PLEKHA7: variants seen among roughly 807,000 people sequenced by gnomAD.
The protein encoded by PLEKHA7 is pleckstrin homology domain-containing family A member 7.
In PLEKHA7, 104 loss-of-function variants were observed where a neutral mutation model predicts 170.0. The observed-to-expected ratio is 0.61, with a 90% CI of 0.52 to 0.72. The LOEUF (loss-of-function observed/expected upper bound fraction) is 0.72. PLEKHA7 is among the 30% of genes least tolerant of loss of function. The pLI, the probability that PLEKHA7 is intolerant of heterozygous loss-of-function variation, is 0.00. For missense variants in PLEKHA7, 1,615 were observed against 1,671.7 expected (o/e 0.97, Z 0.59); for synonymous variants, 648 against 660.8 (o/e 0.98, Z 0.30).
chr11:16,853,182 C>CA (rs893452098), intron 6 of PLEKHA7, among the ~76,000 whole-genome samples: 2 of 151,436 alleles, frequency 1.3e-5, no homozygotes, highest in Non-Finnish European at 1.5e-5. Flanking sequence ...CCCAGCTGTA[C>CA]AAAAAAAAAT....
chr11:16,983,452 C>A (rs752627378), intron 3 of PLEKHA7, among the ~76,000 whole-genome samples: 15 of 152,060 alleles, frequency 9.9e-5, no homozygotes, highest in Non-Finnish European at 2.1e-4. Context: ...GGAGGGATGC[C>A]CACCATGAAG....
At chr11:16,829,146 G>T (rs1000752995) in intron 9 of PLEKHA7, among the ~76,000 whole-genome samples, 2 of 150,954 alleles carry the variant, frequency 1.3e-5, no homozygotes, top group African/African-American at 4.9e-5. Flanking sequence ...TGGGACTACA[G>T]GTGCATGCAT....
At chr11:16,790,626 G>C in intron 21 of PLEKHA7, 172 bp downstream of exon 21, 1 of 612,378 alleles carries the variant, frequency 1.6e-6, no homozygotes, top group South Asian at 2.0e-5. Flanking sequence ...ATCAGGATGT[G>C]GGCCAGAGGA....
At chr11:16,969,880 T>C (rs1862603068) in intron 3 of PLEKHA7, among the ~76,000 whole-genome samples, 1 of 152,034 alleles carries the variant, frequency 6.6e-6, no homozygotes, top group Non-Finnish European at 1.5e-5. Flanking sequence ...TTGAGTTGGG[T>C]TTCTGTCACT....
chr11:16,851,159 G>C (rs1161675253), intron 8 of PLEKHA7, 32 bp downstream of exon 8: 1 of 1,503,102 alleles, frequency 6.7e-7, no homozygotes, highest in South Asian at 1.3e-5. Context: ...TTCTTAGACA[G>C]AATGGCTGCA....
chr11:16,905,601 C>T (rs1416782745), intron 3 of PLEKHA7, among the ~76,000 whole-genome samples: 1 of 152,180 alleles, frequency 6.6e-6, no homozygotes, highest in Non-Finnish European at 1.5e-5. Context: ...CAGCCACACA[C>T]AGTGCCATGG....
At chr11:16,824,854 GT>G (rs1198198516) in intron 10 of PLEKHA7, among the ~76,000 whole-genome samples, 1 of 152,314 alleles carries the variant, frequency 6.6e-6, no homozygotes, top group African/African-American at 2.4e-5. Flanking sequence ...TCACTCAGCA[GT>G]AACGTCATCT....
At chr11:16,926,151 C>A (rs1366897638) in intron 3 of PLEKHA7, among the ~76,000 whole-genome samples, 1 of 152,226 alleles carries the variant, frequency 6.6e-6, no homozygotes, top group South Asian at 2.1e-4. Flanking sequence ...ATTGCGGGAA[C>A]GGATTCTGAC....
At position 16,817,109 on chromosome 11, in the gene PLEKHA7, G is replaced by A. The variant is rs113409610; in HGVS notation, c.1557C>T (p.Thr519=). 1.4e-5 allele frequency: 22 copies of A among 1,614,056 alleles called. No individual in the cohort carries two copies. Among genetic ancestry groups the A allele is most frequent in the East Asian group, 8.9e-5 (4 of 44,868 alleles). Residue 519 remains threonine, a synonymous_variant, in exon 11 of 27, where the codon ACC becomes ACT. Transcript: ENST00000531066. This position sits in a 1 kb window ranked among gnomAD's most constrained non-coding sequence, Gnocchi z 4.4. ...SEERRAHRDG[T]VWQLYEWQQR... ...GCTGCCACTCGTAGAGCTGCCACAC[G>A]GTGCCATCCCGGTGCGCCCGGCGCT...
rs1055399512 is a variant in PLEKHA7, at chr11:17,013,843, A to G, written c.221+146T>C. ...GGAGGCCGCCAAACAACTTGGGCAC[A>G]CAAAACGTTGAGTGTGGCCGCGGCG... On this transcript the variant is annotated intron_variant, in intron 3 of 26. Transcript: ENST00000531066. 3 of 993,862 alleles carry G rather than the reference A, an allele frequency of 3.0e-6. No individual in the cohort carries two copies. In the Admixed American group the frequency reaches 1.3e-4, roughly 42 times the overall value. 61.6% of individuals were successfully genotyped at this position (993,862 alleles called of 1,614,324 possible).
intron 3 of PLEKHA7, among the ~76,000 whole-genome samples, chr11:16,944,196 A>T (rs1860871988): frequency 6.6e-6 from 1 of 152,152 alleles, no homozygotes. Flanking sequence ...TCTACTAAAA[A>T]TACAAAAGTT....
At chr11:16,841,986 T>C (rs990735315) in intron 8 of PLEKHA7, among the ~76,000 whole-genome samples, 4 of 152,076 alleles carry the variant, frequency 2.6e-5, no homozygotes, top group African/African-American at 4.8e-5. Flanking sequence ...GAGTTGGGAG[T>C]GTGCACAAAG....
intron 9 of PLEKHA7, among the ~76,000 whole-genome samples, chr11:16,839,726 ATG>A (rs1851804297): frequency 6.6e-6 from 1 of 152,164 alleles, no homozygotes; most frequent in South Asian, 2.1e-4. Flanking sequence ...GATTTAAAGT[ATG>A]TGCGTAGGTT....
In PLEKHA7 at chr11:16,778,212, G is replaced by C. The variant is rs1169605827; in HGVS notation, c.*786C>G. On this transcript the variant is annotated 3_prime_UTR_variant, in exon 27 of 27. Transcript: ENST00000531066. ...TTGAACCCAGGAGGCAGAGGTTGCA[G>C]TGAACCGAGATCGTGCCATTGCACT... 1 of 152,296 alleles carries C rather than the reference G, an allele frequency of 6.6e-6. No homozygotes were observed. The highest frequency in any genetic ancestry group is 1.5e-5 in the Non-Finnish European group (1 of 68,178). 9.4% of individuals were successfully genotyped at this position (152,296 alleles called of 1,614,324 possible).
intron 9 of PLEKHA7, among the ~76,000 whole-genome samples, chr11:16,840,059 A>G (rs947286638): frequency 6.6e-6 from 1 of 152,134 alleles, no homozygotes; most frequent in Non-Finnish European, 1.5e-5. Context: ...TTATGGAAAC[A>G]ATAGAAAAAT....
chr11:16,856,893 TG>T (rs1180060292), intron 4 of PLEKHA7, among the ~76,000 whole-genome samples: 1 of 152,148 alleles, frequency 6.6e-6, no homozygotes, highest in Non-Finnish European at 1.5e-5. Flanking sequence ...TCCAGGTCAT[TG>T]GAGACCAAGC....
In PLEKHA7 at chr11:16,786,273, A is replaced by C. The variant is rs2134160662; in HGVS notation, c.3472T>G (p.Leu1158Val). ...TCATAGTCTTGAGGCTCCAGGTCCA[A>C]CTCAGTGACAGGCATGGCCTGCACT... is the stretch of plus-strand genomic sequence containing the variant. ...LKVQAMPVTE[L>V]DLEPQDYDLD... is the part of the protein sequence containing the mutation. The change falls in exon 24 of 27, where the codon TTG becomes GTG. Residue 1158 changes from leucine (L) to valine (V), a missense_variant. Leu to Val is a conservative substitution (Grantham distance 32). Coordinates refer to ENST00000531066, the MANE Select transcript of PLEKHA7 (RefSeq NM_001329630.2). 1 of 1,536,052 alleles carries C rather than the reference A, an allele frequency of 6.5e-7. No homozygotes were observed.
In PLEKHA7 at chr11:16,926,436, A is replaced by T. The variant is rs113163281; in HGVS notation, c.222-55254T>A. 2.4e-3 allele frequency among the ~76,000 whole-genome samples: 367 copies of T among 152,326 alleles called. 2 individuals carry two copies. Among genetic ancestry groups the T allele is most frequent in the African/African-American group, 8.7e-3 (361 of 41,570 alleles). ...CCCGTCCAAATATTCACACATGCAA[A>T]CATTTAAGGGTTAGTATATGCCAGG... On this transcript the variant is annotated intron_variant, in intron 3 of 26. Coordinates refer to ENST00000531066, the MANE Select transcript of PLEKHA7 (RefSeq NM_001329630.2).
intron 3 of PLEKHA7, among the ~76,000 whole-genome samples, chr11:16,913,741 C>T (rs762911074): frequency 6.6e-6 from 1 of 152,214 alleles, no homozygotes; most frequent in Non-Finnish European, 1.5e-5. Flanking sequence ...CGCCAGGAAG[C>T]AAGTGAGCAG....
Sources: gnomAD v4.1 joint callset for allele counts (sites outside exome capture counted in the v4.1 genomes callset) on GRCh38, gnomAD v4.1.1 for gene constraint, Gnocchi (gnomAD v3.1) non-coding constraint, MANE v1.5 for transcripts, NCBI Gene and HGNC (gene_info 2026-07-23, HGNC 2026-07-21) for gene names.